CAMKMT: variants seen among roughly 807,000 people sequenced by gnomAD.
CAMKMT encodes calmodulin-lysine N-methyltransferase.
Under a neutral mutation model 48.0 loss-of-function variants are expected in CAMKMT, and 53 were observed. The ratio of observed to expected loss-of-function variants is 1.10; its 90% CI spans 0.89 to 1.39. The LOEUF (loss-of-function observed/expected upper bound fraction) is 1.39. Ranked by LOEUF, CAMKMT falls within the 40% of genes most tolerant of loss-of-function variation. CAMKMT has a pLI of 0.00. For synonymous variants in CAMKMT, 165 were observed against 152.3 expected (o/e 1.08, Z -0.61); for missense variants, 428 against 402.7 (o/e 1.06, Z -0.54).
At chr2:44,573,974 C>T (rs934207751) in intron 3 of CAMKMT, among the ~76,000 whole-genome samples, 4 of 152,132 alleles carry the variant, frequency 2.6e-5, no homozygotes, top group African/African-American at 9.7e-5. Context: ...GGGCAGGTCC[C>T]TTCTGATTAT....
At chr2:44,549,658 G>T in intron 3 of CAMKMT, 1 of 591,246 alleles carries the variant, frequency 1.7e-6, no homozygotes, top group South Asian at 2.2e-5. Flanking sequence ...AACACTTCGT[G>T]GCAGAAGATT....
At chr2:44,706,946 C>T (rs1043681619) in intron 5 of CAMKMT, among the ~76,000 whole-genome samples, 4 of 151,966 alleles carry the variant, frequency 2.6e-5, no homozygotes, top group African/African-American at 7.3e-5. Context: ...TACAATGTGT[C>T]GAGGTTACAG....
intron 3 of CAMKMT, among the ~76,000 whole-genome samples, chr2:44,463,045 T>C (rs1263514340): frequency 6.6e-6 from 1 of 152,222 alleles, no homozygotes; most frequent in Non-Finnish European, 1.5e-5. Context: ...GGGAGAGCTT[T>C]TCTTCTCTGC....
intron 3 of CAMKMT, among the ~76,000 whole-genome samples, chr2:44,659,928 C>T (rs551713866): frequency 4.6e-5 from 7 of 152,242 alleles, no homozygotes; most frequent in African/African-American, 1.7e-4. Context: ...GGTCCCTGGA[C>T]ACCTCTTTGC....
intron 3 of CAMKMT, among the ~76,000 whole-genome samples, chr2:44,556,292 C>A (rs1007593492): frequency 6.6e-6 from 1 of 151,874 alleles, no homozygotes; most frequent in Non-Finnish European, 1.5e-5. Context: ...GTGGCTGCCA[C>A]CACACCTGGC....
At chr2:44,549,452 T>G in intron 3 of CAMKMT, 1 of 659,606 alleles carries the variant, frequency 1.5e-6, no homozygotes, top group South Asian at 1.8e-5. Context: ...GAAGACTCAG[T>G]TTTTCCTGTC....
At chr2:44,651,299 T>A (rs542681499) in intron 3 of CAMKMT, among the ~76,000 whole-genome samples, 3 of 152,252 alleles carry the variant, frequency 2.0e-5, no homozygotes, top group Non-Finnish European at 4.4e-5. Context: ...AATAGTCAAC[T>A]GACTTACGCA....
chr2:44,484,091 T>C (rs1382531570), intron 3 of CAMKMT, among the ~76,000 whole-genome samples: 1 of 152,006 alleles, frequency 6.6e-6, no homozygotes, highest in Non-Finnish European at 1.5e-5. Flanking sequence ...GCCTAAGTCC[T>C]AATGGGGAGA....
chr2:44,378,307 GA>G (rs1679899856), intron 2 of CAMKMT, among the ~76,000 whole-genome samples: 1 of 152,202 alleles, frequency 6.6e-6, no homozygotes, highest in South Asian at 2.1e-4. Context: ...TCAGTAAATT[GA>G]AATGTTCCCT....
At chr2:44,384,217 G>C (rs1054363921) in intron 2 of CAMKMT, among the ~76,000 whole-genome samples, 2 of 152,122 alleles carry the variant, frequency 1.3e-5, no homozygotes, top group African/African-American at 4.8e-5. Flanking sequence ...GCTTTTCCCT[G>C]ATCACTAGTG....
intron 3 of CAMKMT, among the ~76,000 whole-genome samples, chr2:44,417,791 G>T (rs1156815059): frequency 6.6e-6 from 1 of 152,198 alleles, no homozygotes; most frequent in Non-Finnish European, 1.5e-5. Context: ...GCAGATTCCT[G>T]ATGACGATGA....
At chr2:44,723,397 C>G (rs970803132) in intron 7 of CAMKMT, among the ~76,000 whole-genome samples, 1 of 151,954 alleles carries the variant, frequency 6.6e-6, no homozygotes, top group East Asian at 1.9e-4. Flanking sequence ...TCAAGACCTG[C>G]GTGGCCAACA....
chr2:44,770,394 C>A (rs1014118425), intron 10 of CAMKMT, among the ~76,000 whole-genome samples: 2 of 152,224 alleles, frequency 1.3e-5, no homozygotes, highest in East Asian at 1.9e-4. Context: ...AGCATAGAAT[C>A]CAAGTTAAAA....
intron 3 of CAMKMT, among the ~76,000 whole-genome samples, chr2:44,575,004 C>A (rs1431728089): frequency 6.6e-6 from 1 of 152,130 alleles, no homozygotes; most frequent in South Asian, 2.1e-4. Context: ...GATCCACCCA[C>A]CTTAGCCTCC....
chr2:44,481,337 T>A (rs950058843), intron 3 of CAMKMT, among the ~76,000 whole-genome samples: 5 of 152,042 alleles, frequency 3.3e-5, no homozygotes, highest in Admixed American at 2.6e-4. Flanking sequence ...ATTATGTGCA[T>A]TTTTTTGTCC....
intron 3 of CAMKMT, among the ~76,000 whole-genome samples, chr2:44,410,092 G>C (rs562170838): frequency 1.3e-5 from 2 of 151,520 alleles, no homozygotes; most frequent in South Asian, 4.2e-4. Context: ...TTATATATCT[G>C]TAGAAAAGTA....
In CAMKMT at chr2:44,368,209, G is replaced by GATAA. The variant is rs559473746; in HGVS notation, c.139-4506_139-4503dup. ...ATGCCTTGACTATTCCTTCACCCCAGATAATTTCATTTGAATATTATTTAA... is the reference window on the plus strand; with the variant it reads ...ATGCCTTGACTATTCCTTCACCCCAGATAAATAATTTCATTTGAATATTATTTAA... On this transcript the variant is annotated intron_variant, in intron 1 of 10. Transcript: ENST00000378494. Among the ~76,000 whole-genome samples, 35 of 152,228 alleles carry GATAA rather than the reference G, an allele frequency of 2.3e-4. No homozygotes were observed. In the East Asian group the frequency reaches 4.2e-3, roughly 18 times the overall value.
chr2:44,768,361 A>ATATATTTT (rs35058824), intron 10 of CAMKMT, among the ~76,000 whole-genome samples: 6 of 115,742 alleles, frequency 5.2e-5, no homozygotes, highest in African/African-American at 2.2e-4. Flanking sequence ...ATATATATAT[A>ATATATTTT]TTTTTTTTTT....
At chr2:44,555,082 G>A (rs921641623) in intron 3 of CAMKMT, among the ~76,000 whole-genome samples, 1 of 152,048 alleles carries the variant, frequency 6.6e-6, no homozygotes, top group African/African-American at 2.4e-5. Context: ...GGTGGAAAGG[G>A]GGCAGCAGCA....
Sources: allele counts gnomAD v4.1 joint callset (sites outside exome capture counted in the v4.1 genomes callset), GRCh38; gene constraint gnomAD v4.1.1; transcripts MANE v1.5; gene names NCBI Gene and HGNC (gene_info 2026-07-23, HGNC 2026-07-21).